CNST: variants seen among roughly 807,000 people sequenced by gnomAD.
CNST encodes consortin.
CNST carries 39 observed loss-of-function variants against 72.4 expected under a neutral mutation model. The ratio of observed to expected loss-of-function variants is 0.54; its 90% CI spans 0.42 to 0.70. The LOEUF (loss-of-function observed/expected upper bound fraction) is 0.70, where lower values mean the gene tolerates loss of function less well. Among genes scored for constraint, CNST ranks in the 30% least tolerant of loss-of-function variants. The pLI is 0.00. For missense variants in CNST, 871 were observed against 868.5 expected (o/e 1.00, Z -0.04); for synonymous variants, 332 against 320.1 (o/e 1.04, Z -0.40).
chr1:246,580,862 TC>T (rs1270951768), intron 1 of CNST, among the ~76,000 whole-genome samples: 2 of 152,012 alleles, frequency 1.3e-5, no homozygotes, highest in African/African-American at 4.8e-5. Flanking sequence ...CGCCTCAGCT[TC>T]CTGAGTAACT....
rs141101872 is a variant in CNST at position 246,634,564 on chromosome 1, G to A, written c.795G>A (p.Thr265=). The change falls in exon 6 of 11, where the codon ACG becomes ACA. Residue 265 remains threonine (T), a synonymous_variant. Transcript: ENST00000366513. ...GFNGEDFERL[T]KICATHQDPL... ...ATGGTGAAGATTTTGAACGGCTTAC[G>A]AAAATTTGTGCAACACATCAAGAGT... The A allele has an allele frequency of 5.8e-4, 938 of 1,603,830 alleles. 1 individual carries two copies. The highest frequency in any genetic ancestry group is 7.5e-4 in the Non-Finnish European group (885 of 1,175,206).
intron 1 of CNST, among the ~76,000 whole-genome samples, chr1:246,574,271 T>G (rs1008261979): frequency 1.8e-4 from 27 of 152,248 alleles, no homozygotes; most frequent in African/African-American, 3.1e-4. Context: ...TCGATCTCCT[T>G]ACCTTGTGAT....
intron 1 of CNST, among the ~76,000 whole-genome samples, chr1:246,583,555 G>C (rs772665283): frequency 5.9e-5 from 9 of 152,174 alleles, no homozygotes; most frequent in Admixed American, 5.9e-4. Context: ...TGTCTCATCT[G>C]TCTCTCTCTT....
At chr1:246,635,571 A>G (rs1665155794) in intron 6 of CNST, among the ~76,000 whole-genome samples, 1 of 152,162 alleles carries the variant, frequency 6.6e-6, no homozygotes, top group Non-Finnish European at 1.5e-5. Flanking sequence ...GGAGATGTTA[A>G]ACTTACCACA....
intron 6 of CNST, among the ~76,000 whole-genome samples, chr1:246,638,816 G>T (rs979515459): frequency 1.3e-5 from 2 of 152,202 alleles, no homozygotes; most frequent in African/African-American, 4.8e-5. Flanking sequence ...ACACAGAAGT[G>T]TGCAGGGTCT....
intron 9 of CNST, among the ~76,000 whole-genome samples, chr1:246,657,683 A>G (rs1666844814): frequency 6.6e-6 from 1 of 152,192 alleles, no homozygotes; most frequent in Non-Finnish European, 1.5e-5. Context: ...TGACTTCCAC[A>G]GCCAAACACC....
At chr1:246,659,422 G>C (rs190137951) in intron 9 of CNST, among the ~76,000 whole-genome samples, 1 of 152,072 alleles carries the variant, frequency 6.6e-6, no homozygotes, top group Non-Finnish European at 1.5e-5. Flanking sequence ...GTGAAACCCC[G>C]TCTCTACTGA....
chr1:246,582,254 C>A (rs548887250), intron 1 of CNST, among the ~76,000 whole-genome samples: 2 of 152,262 alleles, frequency 1.3e-5, no homozygotes, highest in East Asian at 3.9e-4. Flanking sequence ...CTGTTACTGA[C>A]AGTTATCAGC....
intron 6 of CNST, among the ~76,000 whole-genome samples, chr1:246,638,669 A>G (rs1665471703): frequency 6.6e-6 from 1 of 152,152 alleles, no homozygotes; most frequent in Non-Finnish European, 1.5e-5. Context: ...TGGGCGGGTG[A>G]CACTATAGCA....
At chr1:246,616,023 G>A (rs941738215) in intron 2 of CNST, among the ~76,000 whole-genome samples, 5 of 152,094 alleles carry the variant, frequency 3.3e-5, no homozygotes, top group Non-Finnish European at 7.4e-5. Flanking sequence ...CTTATAAATA[G>A]CATCACCAAG....
intron 2 of CNST, among the ~76,000 whole-genome samples, chr1:246,603,971 C>T (rs1417189245): frequency 6.6e-6 from 1 of 152,198 alleles, no homozygotes; most frequent in African/African-American, 2.4e-5. Flanking sequence ...ACACTGTAAT[C>T]CCACCACTTT....
chr1:246,584,939 T>C (rs528599994), intron 1 of CNST, among the ~76,000 whole-genome samples: 8 of 152,260 alleles, frequency 5.3e-5, no homozygotes, highest in Non-Finnish European at 1.0e-4. Context: ...ATATGAAAAG[T>C]TGTGGAAATA....
chr1:246,633,276 C>G (rs1664895338), intron 4 of CNST, among the ~76,000 whole-genome samples: 1 of 151,572 alleles, frequency 6.6e-6, no homozygotes, highest in Non-Finnish European at 1.5e-5. Context: ...GTGGTGAAAC[C>G]CCATCTTGAC....
chr1:246,661,687 G>A (rs1667114314), intron 10 of CNST, among the ~76,000 whole-genome samples: 1 of 152,166 alleles, frequency 6.6e-6, no homozygotes, highest in African/African-American at 2.4e-5. Context: ...GTAAATAAGA[G>A]TAAATGGAAA....
chr1:246,621,564 C>A lies in CNST; in HGVS notation c.515C>A (p.Ser172Tyr), dbSNP rs1558565326. The change falls in exon 3 of 11, where the codon TCT becomes TAT. Residue 172 changes from serine to tyrosine, a missense_variant. Transcript: ENST00000366513. ...QPEAPKLVLQ[S>Y]LFSLIRGEVE... ...GAGGCGCCAAAGCTTGTTCTGCAGT[C>A]TCTGTTTTCACTTATACGAGGTGAA... is the stretch of plus-strand genomic sequence containing the variant. 3.1e-6 allele frequency: 5 copies of A among 1,614,182 alleles called. No individual in the cohort carries two copies. The highest frequency in any genetic ancestry group is 4.2e-6 in the Non-Finnish European group (5 of 1,180,028).
At chr1:246,642,068 G>T in intron 8 of CNST, 31 bp downstream of exon 8, 1 of 1,217,956 alleles carries the variant, frequency 8.2e-7, no homozygotes, top group Non-Finnish European at 1.2e-6. Context: ...ATGGAGCAAC[G>T]TAAAAGATAC....
chr1:246,635,099 C>T lies in CNST; in HGVS notation c.818+512C>T, dbSNP rs1201354548. ...GGAGTTATTCATCCCCCCAAGCTTT[C>T]GGCCCTGGGGAGAATCTTTCATTCC... On this transcript the variant is annotated intron_variant, in intron 6 of 10. Coordinates refer to ENST00000366513, the MANE Select transcript of CNST (RefSeq NM_152609.3). Among the ~76,000 whole-genome samples, 9 of 152,150 alleles carry T rather than the reference C, an allele frequency of 5.9e-5. No homozygotes were observed. The South Asian group carries it at 1.2e-3, about 21-fold the overall frequency.
chr1:246,647,861 G>T lies in CNST; in HGVS notation c.1660G>T (p.Gly554Ter). 7 of 1,614,168 alleles carry T rather than the reference G, an allele frequency of 4.3e-6. No homozygotes were observed. The highest frequency in any genetic ancestry group is 5.1e-6 in the Non-Finnish European group (6 of 1,180,042). Reference protein sequence around the residue: ...TEDYLNSLLEGCLKDTEDSLS... With the variant: ...TEDYLNSLLE ...AGACTATTTGAACAGCCTTTTAGAA[G>T]GATGTTTAAAAGATACTGAAGATTC... is the stretch of plus-strand genomic sequence containing the variant. The change falls in exon 9 of 11, where the codon GGA becomes TGA. Residue 554 changes from glycine to a stop codon, truncating the protein, a stop_gained. Transcript: ENST00000366513. LOFTEE classifies it high-confidence loss of function.
intron 2 of CNST, among the ~76,000 whole-genome samples, chr1:246,612,137 C>G (rs375381211): frequency 6.6e-6 from 1 of 152,172 alleles, no homozygotes; most frequent in African/African-American, 2.4e-5. Context: ...CACTGAGTTT[C>G]TCTTTGGGAA....
Sources: gnomAD v4.1 joint callset for allele counts (sites outside exome capture counted in the v4.1 genomes callset) on GRCh38, gnomAD v4.1.1 for gene constraint, MANE v1.5 for transcripts, NCBI Gene and HGNC (gene_info 2026-07-23, HGNC 2026-07-21) for gene names.